Variants in MED13L observed in about 807,000 individuals in gnomAD.
MED13L encodes the protein mediator complex subunit 13L, also known as mediator of RNA polymerase II transcription subunit 13-like.
A neutral mutation model predicts 220.9 loss-of-function variants in MED13L; 7 were observed. That is an observed-to-expected ratio of 0.03 (90% CI 0.02 to 0.06). The LOEUF is 0.06. Ranked by LOEUF, MED13L falls within the 10% of genes least tolerant of loss-of-function variation. The pLI, the probability that MED13L is intolerant of heterozygous loss-of-function variation, is 1.00. For synonymous variants in MED13L, 1,011 were observed against 1,015.2 expected (o/e 1.00, Z 0.08); for missense variants, 1,965 against 2,760.5 (o/e 0.71, Z 6.46).
At position 116,134,497 on chromosome 12, in the gene MED13L, T is replaced by C. The variant is rs190603560; in HGVS notation, c.311-22985A>G. Among the ~76,000 whole-genome samples, 418 of 152,310 alleles carry C rather than the reference T, an allele frequency of 2.7e-3. 2 individuals are homozygous for C. Among genetic ancestry groups the C allele is most frequent in the African/African-American group, 9.1e-3 (380 of 41,552 alleles). On this transcript the variant is annotated intron_variant, in intron 2 of 30. Transcript: ENST00000281928. ...GGCTATGTGGCTGAATTTTAATTCA[T>C]GTATCTATTCATTCAGCAAGTGAAT...
In MED13L at chr12:115,975,311, G is replaced by A. The variant is rs1876860313; in HGVS notation, c.5591C>T (p.Ser1864Leu). Reference protein sequence around the residue: ...CVVNIALPNRSRRSKVSARKI... With the variant: ...CVVNIALPNRLRRSKVSARKI... The stretch of plus-strand genomic sequence containing the variant: ...ACGTGCAGATACTTTACTCCTCCGT[G>A]ACCTAACAAATAAAGAAATGGGGAA... The change falls in exon 25 of 31, where the codon TCA (serine) becomes TTA (leucine). Residue 1864 changes from serine to leucine, a missense_variant and splice_region_variant. This residue lies in a region of MED13L where 510 missense variants were observed against 620.4 expected (regional missense o/e 0.82). Coordinates refer to ENST00000281928, the MANE Select transcript of MED13L (RefSeq NM_015335.5). The A allele has an allele frequency of 1.2e-6, 2 of 1,613,864 alleles. No homozygotes were observed. The highest frequency in any genetic ancestry group is 3.3e-5 in the Admixed American group (2 of 59,994).
At chr12:116,148,221 T>C (rs1877720497) in intron 2 of MED13L, among the ~76,000 whole-genome samples, 2 of 151,990 alleles carry the variant, frequency 1.3e-5, no homozygotes, top group South Asian at 4.1e-4. Context: ...AAAATTCAAG[T>C]ATTTCCTGAA....
intron 9 of MED13L, among the ~76,000 whole-genome samples, chr12:116,011,517 T>C (rs964966995): frequency 3.3e-5 from 5 of 152,184 alleles, no homozygotes; most frequent in African/African-American, 1.2e-4. Context: ...AAAAGTTAAA[T>C]ACACTACAGT....
intron 2 of MED13L, among the ~76,000 whole-genome samples, chr12:116,193,091 T>C (rs1004683215): frequency 1.3e-5 from 2 of 152,082 alleles, no homozygotes; most frequent in East Asian, 1.9e-4. Flanking sequence ...ATCATGCCAC[T>C]GCACTCCAGC....
intron 3 of MED13L, among the ~76,000 whole-genome samples, chr12:116,105,647 T>C (rs1369746680): frequency 3.9e-5 from 6 of 152,154 alleles, no homozygotes; most frequent in Non-Finnish European, 8.8e-5. Flanking sequence ...CAGAAACATA[T>C]CTGTTTCAGT....
intron 2 of MED13L, among the ~76,000 whole-genome samples, chr12:116,223,530 C>G (rs1464188637): frequency 1.3e-5 from 2 of 151,912 alleles, no homozygotes; most frequent in Non-Finnish European, 2.9e-5. Flanking sequence ...CATGGCGAAA[C>G]CCCGTCTTTA....
intron 2 of MED13L, among the ~76,000 whole-genome samples, chr12:116,180,558 C>T (rs934151620): frequency 6.6e-6 from 1 of 152,132 alleles, no homozygotes; most frequent in Non-Finnish European, 1.5e-5. Context: ...CACTTCTGGT[C>T]CCAAGCGTTT....
rs1302921479 is a variant in MED13L, at chr12:115,983,153, T to C, written c.4919A>G (p.Gln1640Arg). Residue 1640 changes from glutamine to arginine, a missense_variant, in exon 21 of 31, where the codon CAG becomes CGG. Coordinates refer to ENST00000281928, the MANE Select transcript of MED13L (RefSeq NM_015335.5). ...IGCGGDTDPG[Q>R]SSSQPSQDGQ... ...ATCCTGTGAGGGCTGAGAAGAGCTC[T>C]GCCCAGGGTCAGTGTCTCCACCACA... 1.9e-6 allele frequency: 3 copies of C among 1,614,122 alleles called. No homozygotes were observed. The highest frequency in any genetic ancestry group is 2.5e-6 in the Non-Finnish European group (3 of 1,179,976).
chr12:116,113,243 G>C (rs1874230169), intron 2 of MED13L, among the ~76,000 whole-genome samples: 1 of 152,114 alleles, frequency 6.6e-6, no homozygotes. Flanking sequence ...TGCAGCACTT[G>C]TGAAGAGTGT....
At chr12:116,160,877 T>A (rs760540473) in intron 2 of MED13L, among the ~76,000 whole-genome samples, 32 of 152,094 alleles carry the variant, frequency 2.1e-4, no homozygotes, top group Admixed American at 7.9e-4. Context: ...CTGCAAACTT[T>A]ATAAACAGAA....
intron 1 of MED13L, among the ~76,000 whole-genome samples, chr12:116,259,414 C>T (rs1026942763): frequency 2.6e-5 from 4 of 151,810 alleles, no homozygotes; most frequent in East Asian, 1.9e-4. Flanking sequence ...CAAAAGAATA[C>T]GATTCAATAT....
Position 115,961,333 on chromosome 12 carries a change from G to A in MED13L, c.6566C>T (p.Thr2189Ile). 1 of 1,614,174 alleles carries A rather than the reference G, an allele frequency of 6.2e-7. No individual in the cohort carries two copies. Among genetic ancestry groups the A allele is most frequent in the Non-Finnish European group, 8.5e-7 (1 of 1,180,002 alleles). The change falls in exon 31 of 31, where the codon ACT (threonine) becomes ATT (isoleucine). Residue 2189 changes from threonine to isoleucine, a missense_variant. Transcript: ENST00000281928. ...CACAAAGTGGACGGGAAGGCAGGAA[G>A]TACGGTCCTGGGTGGCCGGATTGCA... ...LTCNPATQDR[T>I]SCLPVHFVVL...
At chr12:116,124,101 T>A (rs990462852) in intron 2 of MED13L, among the ~76,000 whole-genome samples, 1 of 124,334 alleles carries the variant, frequency 8.0e-6, no homozygotes, top group Non-Finnish European at 1.8e-5. Context: ...AAAAATAACA[T>A]CTGCAGAGAG....
chr12:116,134,523 G>A (rs913002113), intron 2 of MED13L, among the ~76,000 whole-genome samples: 1 of 152,098 alleles, frequency 6.6e-6, no homozygotes, highest in African/African-American at 2.4e-5. Context: ...GCAAGTGAAT[G>A]GATATGATAT....
intron 4 of MED13L, among the ~76,000 whole-genome samples, chr12:116,087,934 G>A (rs1273556544): frequency 3.9e-5 from 6 of 152,054 alleles, no homozygotes; most frequent in Non-Finnish European, 1.5e-5. Context: ...CCTAAAATAC[G>A]TATCAGGTTC....
chr12:116,065,014 C>T (rs1869812424), intron 4 of MED13L, among the ~76,000 whole-genome samples: 1 of 152,138 alleles, frequency 6.6e-6, no homozygotes, highest in Non-Finnish European at 1.5e-5. Flanking sequence ...GATTTCATTG[C>T]TGTACAAACA....
At chr12:116,150,840 T>C (rs1877981228) in intron 2 of MED13L, among the ~76,000 whole-genome samples, 1 of 152,210 alleles carries the variant, frequency 6.6e-6, no homozygotes, top group Admixed American at 6.5e-5. Context: ...GTGTGTGGCC[T>C]TAGGTAGGTC....
At chr12:116,029,456 C>A (rs1191180674) in intron 4 of MED13L, among the ~76,000 whole-genome samples, 1 of 151,792 alleles carries the variant, frequency 6.6e-6, no homozygotes, top group Admixed American at 6.6e-5. Context: ...ACTGAAAAGA[C>A]AAAGATTACC....
chr12:116,029,520 G>A (rs1410741080), intron 4 of MED13L, among the ~76,000 whole-genome samples: 1 of 151,992 alleles, frequency 6.6e-6, no homozygotes, highest in Non-Finnish European at 1.5e-5. Flanking sequence ...CAAAAGGCAT[G>A]CAAAGTAAAA....
Sources: gnomAD v4.1 joint callset for allele counts (sites outside exome capture counted in the v4.1 genomes callset) on GRCh38, gnomAD v4.1.1 for gene constraint, gnomAD v4.1.1 regional missense constraint, MANE v1.5 for transcripts, NCBI Gene and HGNC (gene_info 2026-07-23, HGNC 2026-07-21) for gene names.